PDE3B: variants seen among roughly 807,000 people sequenced by gnomAD.
PDE3B encodes the protein cGMP-inhibited 3',5'-cyclic phosphodiesterase 3B.
In PDE3B, 66 loss-of-function variants were observed where a neutral mutation model predicts 116.8. That is an observed-to-expected ratio of 0.56 (90% CI 0.46 to 0.69). The LOEUF is 0.69. Among genes scored for constraint, PDE3B ranks in the 30% least tolerant of loss-of-function variants. The pLI is 0.00. For missense variants in PDE3B, 1,384 were observed against 1,368.1 expected, an observed-to-expected ratio of 1.01 and a Z score of -0.18; for synonymous variants, 595 against 533.6, an observed-to-expected ratio of 1.12 and a Z score of -1.59.
intron 1 of PDE3B, among the ~76,000 whole-genome samples, chr11:14,695,269 G>A (rs1014526686): frequency 1.3e-5 from 2 of 152,022 alleles, no homozygotes; most frequent in African/African-American, 2.4e-5. Flanking sequence ...ACATTGTTAC[G>A]TTATCACCAG....
chr11:14,829,806 A>C (rs568849427), intron 7 of PDE3B, among the ~76,000 whole-genome samples: 46 of 152,256 alleles, frequency 3.0e-4, no homozygotes, highest in African/African-American at 1.1e-3. Flanking sequence ...AAATTTACCT[A>C]TATGACAAAC....
intron 1 of PDE3B, among the ~76,000 whole-genome samples, chr11:14,740,085 G>A (rs1430184017): frequency 6.6e-6 from 1 of 152,130 alleles, no homozygotes; most frequent in African/African-American, 2.4e-5. Flanking sequence ...GTCTCTGCCA[G>A]GTTTTGGTAT....
intron 1 of PDE3B, among the ~76,000 whole-genome samples, chr11:14,678,586 T>A (rs1382221224): frequency 6.6e-6 from 1 of 152,200 alleles, no homozygotes; most frequent in Non-Finnish European, 1.5e-5. Context: ...CGTTAATGGG[T>A]AATGATTTTG....
intron 14 of PDE3B, among the ~76,000 whole-genome samples, chr11:14,865,641 A>C (rs1219071721): frequency 1.3e-5 from 2 of 151,926 alleles, no homozygotes; most frequent in African/African-American, 4.9e-5. Flanking sequence ...ACTATTATCT[A>C]TTTAAATTAT....
At chr11:14,898,366 G>A in the PDE3B span, among the ~76,000 whole-genome samples, 3 of 152,076 alleles carry the variant, frequency 2.0e-5, no homozygotes, top group African/African-American at 4.8e-5. Context: ...TGTCTCTTCT[G>A]GGAATTGTAC....
chr11:14,744,502 C>T (rs1025061702), intron 1 of PDE3B, among the ~76,000 whole-genome samples: 4 of 152,130 alleles, frequency 2.6e-5, no homozygotes, highest in African/African-American at 9.7e-5. Context: ...AAGTTTTGTA[C>T]TGCCTTGATT....
intron 1 of PDE3B, among the ~76,000 whole-genome samples, chr11:14,648,813 A>T (rs891155174): frequency 1.3e-5 from 2 of 152,088 alleles, no homozygotes; most frequent in African/African-American, 2.4e-5. Context: ...CTCCACATGC[A>T]TTCTAGCTAT....
In PDE3B at chr11:14,715,070, G is replaced by T. The variant is rs1267961386; in HGVS notation, c.979-56867G>T. Among the ~76,000 whole-genome samples, 4 of 151,974 alleles carry T rather than the reference G, an allele frequency of 2.6e-5. No individual in the cohort carries two copies. In the East Asian group the frequency reaches 7.7e-4, roughly 29 times the overall value. Reference sequence around the variant, plus strand: ...TTCTGCCTCATTCCAAATAAAGATTGTATGTGAATGATAGGAAATGATCTA... The same window carrying T: ...TTCTGCCTCATTCCAAATAAAGATTTTATGTGAATGATAGGAAATGATCTA... On this transcript the variant is annotated intron_variant, in intron 1 of 15. Transcript: ENST00000282096.
intron 5 of PDE3B, among the ~76,000 whole-genome samples, chr11:14,806,350 AGGCAGGAGAAT>A (rs1200654411): frequency 6.6e-6 from 1 of 151,634 alleles, no homozygotes; most frequent in Non-Finnish European, 1.5e-5. Flanking sequence ...CGGGAGGCTG[AGGCAGGAGAAT>A]GGCATGAACC....
chr11:14,737,418 T>A (rs920302095), intron 1 of PDE3B, among the ~76,000 whole-genome samples: 11 of 152,098 alleles, frequency 7.2e-5, no homozygotes, highest in Admixed American at 1.3e-4. Context: ...CAGGATGGTC[T>A]CGATCTTCTG....
intron 1 of PDE3B, among the ~76,000 whole-genome samples, chr11:14,763,192 A>T (rs1857408453): frequency 1.3e-5 from 2 of 152,276 alleles, no homozygotes; most frequent in South Asian, 4.1e-4. Context: ...TTAGAAAGAA[A>T]TCTGGAGAAT....
At chr11:14,768,588 A>G (rs956974810) in intron 1 of PDE3B, among the ~76,000 whole-genome samples, 4 of 151,492 alleles carry the variant, frequency 2.6e-5, no homozygotes, top group African/African-American at 4.8e-5. Context: ...GTATGAATAC[A>G]TCAAAATTTT....
At position 14,818,245 on chromosome 11, in the gene PDE3B, C is replaced by A; in HGVS notation, c.1585C>A (p.Leu529Ile). Residue 529 changes from leucine (L) to isoleucine (I), a missense_variant, in exon 6 of 16, where the codon CTA (leucine) becomes ATA (isoleucine). Physicochemically the swap from Leu to Ile is conservative, Grantham distance 5. Transcript: ENST00000282096. The stretch of plus-strand genomic sequence containing the variant: ...CCATGGACCAGTGTCTACTGGCTCT[C>A]TAACTAATCGATCACCCATAGAATT... ...SNHGPVSTGS[L>I]TNRSPIEFPD... is the part of the protein sequence containing the mutation. 1 of 1,613,708 alleles carries A rather than the reference C, an allele frequency of 6.2e-7. No individual in the cohort carries two copies.
chr11:14,755,882 C>A (rs1857168317), intron 1 of PDE3B, among the ~76,000 whole-genome samples: 1 of 152,120 alleles, frequency 6.6e-6, no homozygotes, highest in Admixed American at 6.6e-5. Flanking sequence ...AACAATTATT[C>A]ATTCTTTTAA....
intron 1 of PDE3B, among the ~76,000 whole-genome samples, chr11:14,647,390 A>C (rs1455253941): frequency 6.6e-6 from 1 of 152,086 alleles, no homozygotes; most frequent in Non-Finnish European, 1.5e-5. Flanking sequence ...AAGGGATCCT[A>C]GTAGATGAAT....
chr11:14,669,518 G>T (rs147776807), intron 1 of PDE3B, among the ~76,000 whole-genome samples: 3,149 of 141,670 alleles, frequency 0.022, 111 homozygotes, highest in African/African-American at 0.079. Flanking sequence ...CAACGTGCAG[G>T]TTTGTTACAT....
At chr11:14,834,704 G>A (rs1774676875) in intron 10 of PDE3B, among the ~76,000 whole-genome samples, 1 of 152,210 alleles carries the variant, frequency 6.6e-6, no homozygotes, top group African/African-American at 2.4e-5. Flanking sequence ...TTGAAAGCCA[G>A]AAAATAGCCA....
At chr11:14,788,114 T>C (rs1364941010) in intron 3 of PDE3B, among the ~76,000 whole-genome samples, 2 of 151,910 alleles carry the variant, frequency 1.3e-5, no homozygotes, top group Non-Finnish European at 2.9e-5. Context: ...AACCAGGAAG[T>C]AACCCTTATT....
intron 1 of PDE3B, among the ~76,000 whole-genome samples, chr11:14,683,911 A>G (rs1854787783): frequency 6.6e-6 from 1 of 152,106 alleles, no homozygotes; most frequent in Non-Finnish European, 1.5e-5. Flanking sequence ...TTTCTCATTA[A>G]ACTTCCTCTT....
Sources: allele counts gnomAD v4.1 joint callset (sites outside exome capture counted in the v4.1 genomes callset), GRCh38; gene constraint gnomAD v4.1.1; transcripts MANE v1.5; gene names NCBI Gene and HGNC (gene_info 2026-07-23, HGNC 2026-07-21).